TNS1: variants seen among roughly 807,000 people sequenced by gnomAD.
TNS1 encodes the protein tensin-1.
TNS1 carries 62 observed loss-of-function variants against 168.6 expected under a neutral mutation model. The observed-to-expected ratio is 0.37, with a 90% CI of 0.30 to 0.45. The LOEUF (loss-of-function observed/expected upper bound fraction) is 0.45, where lower values mean the gene tolerates loss of function less well. TNS1 is among the 20% of genes least tolerant of loss of function. TNS1 has a pLI of 1.00. For synonymous variants in TNS1, 934 were observed against 933.2 expected (o/e 1.00, Z -0.02); for missense variants, 2,240 against 2,339.4 (o/e 0.96, Z 0.88).
At position 217,832,268 on chromosome 2, in the gene TNS1, T is replaced by C. The variant is rs1369501791; in HGVS notation, c.3281-721A>G. On this transcript the variant is annotated intron_variant, in intron 21 of 32. Coordinates refer to ENST00000682258, the MANE Select transcript of TNS1 (RefSeq NM_001387777.1). ...CCCACTCCCTATGCGAAGCCTGGGC[T>C]CCTCCCAGGCCGCCCATCTGGGTTA... is the stretch of plus-strand genomic sequence containing the variant. Among the ~76,000 whole-genome samples, 3 of 152,258 alleles carry C rather than the reference T, an allele frequency of 2.0e-5. No individual in the cohort carries two copies. The East Asian group carries it at 5.8e-4, about 29-fold the overall frequency.
At chr2:217,924,912 T>C (rs4674227) in intron 3 of TNS1, among the ~76,000 whole-genome samples, 4,585 of 152,322 alleles carry the variant, frequency 0.03, 187 homozygotes, top group East Asian at 0.2. Flanking sequence ...AGTCTCATCA[T>C]AAGACCTGGG....
intron 3 of TNS1, chr2:217,936,845 A>C: frequency 2.3e-6 from 1 of 436,762 alleles, no homozygotes; most frequent in South Asian, 1.6e-5. Context: ...TACAAATAGC[A>C]TCTCATTTCA....
At chr2:217,906,415 G>A (rs909188749) in intron 5 of TNS1, 30 bp from the exon 6 acceptor site, 1 of 702,700 alleles carries the variant, frequency 1.4e-6, no homozygotes, top group Non-Finnish European at 2.6e-6. Context: ...AGTCAGAGAG[G>A]GGAGGCAAGA....
At chr2:217,887,655 C>A (rs1232789784) in intron 12 of TNS1, among the ~76,000 whole-genome samples, 1 of 152,170 alleles carries the variant, frequency 6.6e-6, no homozygotes, top group Non-Finnish European at 1.5e-5. Flanking sequence ...AATGGAAGAA[C>A]TAACCCACAC....
intron 22 of TNS1, among the ~76,000 whole-genome samples, chr2:217,823,768 C>T (rs920081664): frequency 6.6e-6 from 1 of 152,198 alleles, no homozygotes; most frequent in Non-Finnish European, 1.5e-5. Flanking sequence ...GAGGCAGGCA[C>T]GGGAGGTCTA....
chr2:218,016,176 C>G (rs746947508), intron 1 of TNS1, among the ~76,000 whole-genome samples: 1 of 152,096 alleles, frequency 6.6e-6, no homozygotes, highest in Non-Finnish European at 1.5e-5. Context: ...TCCTGGGAAA[C>G]CAGCCCACTG....
chr2:217,975,285 C>T (rs1394873562), intron 3 of TNS1, among the ~76,000 whole-genome samples: 1 of 152,122 alleles, frequency 6.6e-6, no homozygotes, highest in Non-Finnish European at 1.5e-5. Context: ...AGACCCCTAG[C>T]CAGAACCAGT....
intron 4 of TNS1, 71 bp downstream of exon 4, chr2:217,920,124 G>C: frequency 1.4e-6 from 1 of 702,864 alleles, no homozygotes; most frequent in Non-Finnish European, 2.6e-6. Flanking sequence ...TGGGTCTAAA[G>C]AAAGCTGCAG....
At chr2:217,950,144 A>G (rs142021369) in intron 3 of TNS1, among the ~76,000 whole-genome samples, 63 of 152,304 alleles carry the variant, frequency 4.1e-4, no homozygotes, top group African/African-American at 1.5e-3. Flanking sequence ...AGCAGTAGAC[A>G]CTCAGTAAAT....
Position 217,859,040 on chromosome 2 carries a change from C to A in TNS1, c.1430-9953G>T, listed in dbSNP as rs1424520377. ...CCAGCCTGGTCCCAGCACAGCCCAG[C>A]CCAGCCCCACCGGGTCCCAGTCCAG... On this transcript the variant is annotated intron_variant, in intron 18 of 32. Transcript: ENST00000682258. 1.2e-4 allele frequency among the ~76,000 whole-genome samples: 18 copies of A among 146,104 alleles called. No individual in the cohort carries two copies. In the Admixed American group the frequency reaches 1.3e-3, roughly 10 times the overall value.
chr2:217,855,826 C>T (rs928694524), intron 18 of TNS1, among the ~76,000 whole-genome samples: 1 of 152,142 alleles, frequency 6.6e-6, no homozygotes, highest in Non-Finnish European at 1.5e-5. Flanking sequence ...AGGTGGACCC[C>T]GAGTTTCTCC....
rs1301788840 is a variant in TNS1 at position 218,032,966 on chromosome 2, C to T, written c.156+854G>A. Among the ~76,000 whole-genome samples the T allele has an allele frequency of 6.6e-6, 1 of 152,172 alleles. No individual in the cohort carries two copies. The highest frequency in any genetic ancestry group is 1.5e-5 in the Non-Finnish European group (1 of 68,026). On this transcript the variant is annotated intron_variant, in intron 1 of 1. Coordinates refer to the TNS1 transcript ENST00000649572. The surrounding 1 kb of genome is among the most constrained non-coding windows in gnomAD (Gnocchi z 4.0). ...CCTTGATCATCCACCTCCAGAGCCC[C>T]GGCTCCTCCCTCCATCACAGCCCCA... is the stretch of plus-strand genomic sequence containing the variant.
upstream of TNS1, among the ~76,000 whole-genome samples, chr2:218,013,711 T>C (rs115887129): frequency 0.019 from 2,824 of 151,818 alleles, 78 homozygotes; most frequent in African/African-American, 0.064. Flanking sequence ...CTCCCGCACC[T>C]CTCCTCAGCC....
chr2:217,835,408 G>A (rs948646555), intron 20 of TNS1, among the ~76,000 whole-genome samples: 3 of 152,142 alleles, frequency 2.0e-5, no homozygotes, highest in Non-Finnish European at 4.4e-5. Context: ...CAGTACACTC[G>A]CTCCCTCAAT....
chr2:217,926,950 G>T (rs1232556847), intron 3 of TNS1, among the ~76,000 whole-genome samples: 1 of 152,220 alleles, frequency 6.6e-6, no homozygotes, highest in Non-Finnish European at 1.5e-5. Context: ...AGGTGCCAGG[G>T]CTATGGGATC....
intron 19 of TNS1, among the ~76,000 whole-genome samples, chr2:217,843,186 A>G (rs1306192307): frequency 6.6e-6 from 1 of 151,634 alleles, no homozygotes; most frequent in Non-Finnish European, 1.5e-5. Flanking sequence ...GCTTGACATC[A>G]ATATTTCCCT....
At chr2:217,974,311 C>A (rs954890083) in intron 3 of TNS1, among the ~76,000 whole-genome samples, 2 of 152,054 alleles carry the variant, frequency 1.3e-5, no homozygotes, top group African/African-American at 4.8e-5. Flanking sequence ...TTTGCAGCAC[C>A]CTCTGTGTCA....
chr2:217,834,980 C>T, intron 21 of TNS1, 111 bp downstream of exon 21: 1 of 890,262 alleles, frequency 1.1e-6, no homozygotes, highest in South Asian at 1.9e-5. Context: ...TCTGGCCCCA[C>T]CTGGGGCACT....
chr2:217,808,581 A>G lies in TNS1; in HGVS notation c.5342+22T>C, dbSNP rs767109071. 10 of 1,612,078 alleles carry G rather than the reference A, an allele frequency of 6.2e-6. No homozygotes were observed. In the African/African-American group the frequency reaches 1.1e-4, roughly 17 times the overall value. ...AGTGTTAGAAAGCTGTGTGGGAGAG[A>G]AGCTGTGTACAAGAGACTTACTTTC... On this transcript the variant is annotated intron_variant, in intron 31 of 32. Coordinates refer to ENST00000682258, the MANE Select transcript of TNS1 (RefSeq NM_001387777.1).
Sources: allele counts gnomAD v4.1 joint callset (sites outside exome capture counted in the v4.1 genomes callset), GRCh38; gene constraint gnomAD v4.1.1; non-coding constraint Gnocchi (gnomAD v3.1); transcripts MANE v1.5; gene names NCBI Gene and HGNC (gene_info 2026-07-23, HGNC 2026-07-21).